Variants in PRMT7 observed in about 807,000 individuals in gnomAD.
PRMT7 encodes protein arginine N-methyltransferase 7.
A neutral mutation model predicts 85.4 loss-of-function variants in PRMT7; 75 were observed. The ratio of observed to expected loss-of-function variants is 0.88; its 90% CI spans 0.73 to 1.06. The LOEUF (loss-of-function observed/expected upper bound fraction) is 1.06, where lower values mean the gene tolerates loss of function less well. Among genes scored for constraint, PRMT7 ranks in the 50% least tolerant of loss-of-function variants. PRMT7 has a pLI of 0.00. For synonymous variants in PRMT7, 397 were observed against 359.5 expected (o/e 1.10, Z -1.18); for missense variants, 868 against 915.2 (o/e 0.95, Z 0.67).
At chr16:68,333,342 G>A (rs769992490) in intron 6 of PRMT7, among the ~76,000 whole-genome samples, 1 of 152,022 alleles carries the variant, frequency 6.6e-6, no homozygotes, top group South Asian at 2.1e-4. Context: ...TTAGTCAGGT[G>A]TGGTGGTGCA....
chr16:68,352,463 C>T, intron 15 of PRMT7, 54 bp downstream of exon 15: 2 of 1,535,756 alleles, frequency 1.3e-6, no homozygotes, highest in Non-Finnish European at 1.8e-6. Flanking sequence ...GGTGGGGAAC[C>T]TTGTTTTCTT....
chr16:68,347,182 C>T (rs1440109035), intron 11 of PRMT7, 29 bp from the exon 12 acceptor site: 2 of 1,546,218 alleles, frequency 1.3e-6, no homozygotes, highest in South Asian at 1.2e-5. Context: ...TGGAGGAAGC[C>T]CTGTGCTGAG....
chr16:68,315,788 C>A, intron 2 of PRMT7, 109 bp from the exon 3 acceptor site: 1 of 587,656 alleles, frequency 1.7e-6, no homozygotes, highest in Admixed American at 3.1e-5. Flanking sequence ...TTTTTTTCCC[C>A]GCTTTTGTCT....
chr16:68,346,709 G>C (rs971509631), intron 11 of PRMT7, among the ~76,000 whole-genome samples: 5 of 152,148 alleles, frequency 3.3e-5, no homozygotes, highest in African/African-American at 1.2e-4. Flanking sequence ...TTACAGATGG[G>C]GCTTAGAGGG....
At chr16:68,311,527 T>A (rs1375776178) in intron 1 of PRMT7, 1 of 153,430 alleles carries the variant, frequency 6.5e-6, no homozygotes, top group Non-Finnish European at 1.5e-5. Context: ...GTAGATACGC[T>A]TCTGCTTAAA....
Position 68,355,818 on chromosome 16 carries a change from C to T in PRMT7, c.1746C>T (p.Thr582=). 6.2e-7 allele frequency: 1 copy of T among 1,611,310 alleles called. No homozygotes were observed. The highest frequency in any genetic ancestry group is 8.5e-7 in the Non-Finnish European group (1 of 1,179,450). Residue 582 remains threonine (T), a synonymous_variant, in exon 17 of 19, where the codon ACC becomes ACT. Coordinates refer to ENST00000441236, the MANE Select transcript of PRMT7 (RefSeq NM_019023.5). ...TCTCCGAGCCCTGGCAGATCCTGAC[C>T]TTTGACTTCCAGCAGCCGGTGCCCC... ...RSLSEPWQIL[T]FDFQQPVPLQ...
chr16:68,320,253 G>C (rs2082339804), intron 3 of PRMT7, among the ~76,000 whole-genome samples: 1 of 152,208 alleles, frequency 6.6e-6, no homozygotes, highest in African/African-American at 2.4e-5. Flanking sequence ...GCCGAGACCA[G>C]CTCGGTCGTG....
In PRMT7 at chr16:68,358,512, G is replaced by T. The variant is rs1200706378; in HGVS notation, c.*1288G>T. On this transcript the variant is annotated 3_prime_UTR_variant, in exon 19 of 19. Transcript: ENST00000441236. ...CAAAACCATAGGTGTGCTTACCATA[G>T]AAAACCCCTAATGTCCCATGAAGAT... The T allele has an allele frequency of 6.6e-6, 1 of 152,556 alleles. No homozygotes were observed. 9.5% of individuals were successfully genotyped at this position (152,556 alleles called of 1,614,324 possible). A position where few individuals can be genotyped will look rare whatever the true frequency, so the allele number is the denominator to read the frequency against.
Position 68,339,884 on chromosome 16 carries a change from G to A in PRMT7, c.843G>A (p.Trp281Ter). ...TSGRAQVVLS[W>*]WDIEMDPEGK... ...GCCGAGCTCAGGTGGTTCTCTCGTGGTGGGACATTGAAATGGACCCTGAGG... is the reference window on the plus strand; with the variant it reads ...GCCGAGCTCAGGTGGTTCTCTCGTGATGGGACATTGAAATGGACCCTGAGG... The change falls in exon 9 of 19, where the codon TGG becomes TGA. Residue 281 changes from tryptophan (W) to a stop codon, truncating the protein, a stop_gained. Coordinates refer to ENST00000441236, the MANE Select transcript of PRMT7 (RefSeq NM_019023.5). LOFTEE classifies it high-confidence loss of function. 7.4e-6 allele frequency: 12 copies of A among 1,614,202 alleles called. No homozygotes were observed. Among genetic ancestry groups the A allele is most frequent in the Non-Finnish European group, 1.0e-5 (12 of 1,180,040 alleles).
At chr16:68,311,337 C>T in intron 1 of PRMT7, 1 of 303,810 alleles carries the variant, frequency 3.3e-6, no homozygotes. Context: ...AGTACTCGTG[C>T]CTGGCGCCTC....
chr16:68,333,358 G>A (rs1350224550), intron 6 of PRMT7, among the ~76,000 whole-genome samples: 1 of 151,790 alleles, frequency 6.6e-6, no homozygotes, highest in East Asian at 1.9e-4. Context: ...GTGCATGCCT[G>A]TAATCCCAGC....
chr16:68,345,712 C>T lies in PRMT7; in HGVS notation c.965C>T (p.Pro322Leu), dbSNP rs2086255025. ...DHWMQCVYFLPQEEPVVQGSA... is the reference protein window; with the variant it reads ...DHWMQCVYFLLQEEPVVQGSA... ...TGGATGCAGTGTGTGTACTTCCTGC[C>T]ACAAGAGGAGCCTGTGGTGCAGGGC... The change falls in exon 10 of 19, where the codon CCA becomes CTA. Residue 322 changes from proline (P) to leucine (L), a missense_variant. Physicochemically the swap from Pro to Leu is moderately conservative, Grantham distance 98. Coordinates refer to ENST00000441236, the MANE Select transcript of PRMT7 (RefSeq NM_019023.5). The T allele has an allele frequency of 6.2e-7, 1 of 1,613,860 alleles. No homozygotes were observed. Among genetic ancestry groups the T allele is most frequent in the Admixed American group, 1.7e-5 (1 of 60,006 alleles).
chr16:68,353,648 A>G (rs1353697275), intron 16 of PRMT7, 82 bp downstream of exon 16: 1 of 1,355,882 alleles, frequency 7.4e-7, no homozygotes, highest in African/African-American at 1.5e-5. Context: ...CTTGGGCAGC[A>G]CAGGCTCTTC....
chr16:68,335,966 A>G (rs1014649981), intron 6 of PRMT7, among the ~76,000 whole-genome samples: 1 of 152,040 alleles, frequency 6.6e-6, no homozygotes, highest in Non-Finnish European at 1.5e-5. Flanking sequence ...TAGTAGAGAC[A>G]GGGTTTCACC....
chr16:68,322,532 T>A (rs796834772), intron 4 of PRMT7: 2 of 342,902 alleles, frequency 5.8e-6, no homozygotes, highest in East Asian at 9.1e-5. Flanking sequence ...ATATCTTTGT[T>A]CTAGTCTAGG....
At chr16:68,314,293 C>G (rs918250085) in intron 2 of PRMT7, among the ~76,000 whole-genome samples, 3 of 152,140 alleles carry the variant, frequency 2.0e-5, no homozygotes, top group African/African-American at 7.2e-5. Flanking sequence ...TGCAGTGGTG[C>G]GGTCTCAGCT....
intron 6 of PRMT7, 85 bp from the exon 7 acceptor site, chr16:68,337,374 T>C: frequency 1.1e-6 from 1 of 921,572 alleles, no homozygotes; most frequent in Non-Finnish European, 1.7e-6. Flanking sequence ...GATGGCCCCT[T>C]AACCACTTAT....
chr16:68,339,830 T>C lies in PRMT7; in HGVS notation c.789T>C (p.His263=). 1.2e-6 allele frequency: 2 copies of C among 1,614,146 alleles called. No homozygotes were observed. Among genetic ancestry groups the C allele is most frequent in the Non-Finnish European group, 8.5e-7 (1 of 1,179,962 alleles). ...SKQVSSSAAC[H]SRRFEPLTSG... is the part of the protein sequence containing the mutation. ...AAGTCAGTAGCTCAGCAGCCTGCCATAGCAGGCGGTTTGAACCTCTGACAT... is the reference window on the plus strand; with the variant it reads ...AAGTCAGTAGCTCAGCAGCCTGCCACAGCAGGCGGTTTGAACCTCTGACAT... The change falls in exon 9 of 19, where the codon CAT becomes CAC. Residue 263 remains histidine, a synonymous_variant. Transcript: ENST00000441236.
intron 6 of PRMT7, among the ~76,000 whole-genome samples, chr16:68,335,939 G>C (rs1019216066): frequency 6.6e-6 from 1 of 152,092 alleles, no homozygotes; most frequent in African/African-American, 2.4e-5. Context: ...ACCACGCCTG[G>C]CTAATTTTTG....
Sources: gnomAD v4.1 joint callset for allele counts (sites outside exome capture counted in the v4.1 genomes callset) on GRCh38, gnomAD v4.1.1 for gene constraint, MANE v1.5 for transcripts, NCBI Gene and HGNC (gene_info 2026-07-23, HGNC 2026-07-21) for gene names.